Variants in CIT observed in about 807,000 individuals in gnomAD.
CIT encodes citron Rho-interacting kinase.
In CIT, 79 loss-of-function variants were observed where a neutral mutation model predicts 272.7. The ratio of observed to expected loss-of-function variants is 0.29; its 90% CI spans 0.24 to 0.35. The LOEUF (loss-of-function observed/expected upper bound fraction) is 0.35. CIT is among the 10% of genes least tolerant of loss of function. The probability of loss-of-function intolerance (pLI) is 1.00; values close to 1 mark genes in which losing one functional copy is unlikely to be tolerated. For missense variants in CIT, 1,909 were observed against 2,618.3 expected (o/e 0.73, Z 5.91); for synonymous variants, 948 against 995.6 (o/e 0.95, Z 0.90).
intron 40 of CIT, among the ~76,000 whole-genome samples, chr12:119,706,247 T>G (rs534213208): frequency 2.0e-5 from 3 of 152,276 alleles, no homozygotes; most frequent in African/African-American, 7.2e-5. Context: ...AAGTTATACA[T>G]GTACATGTAT....
intron 24 of CIT, among the ~76,000 whole-genome samples, chr12:119,739,055 G>A (rs968772439): frequency 4.6e-5 from 7 of 152,178 alleles, no homozygotes; most frequent in Non-Finnish European, 8.8e-5. Flanking sequence ...AAAGTCCAAT[G>A]GCATGTTAGG....
chr12:119,868,679 G>A (rs1950582483), intron 3 of CIT, among the ~76,000 whole-genome samples: 1 of 152,074 alleles, frequency 6.6e-6, no homozygotes, highest in Non-Finnish European at 1.5e-5. Context: ...CTGGGACCAC[G>A]GGTGCAAGCC....
Position 119,713,464 on chromosome 12 carries a change from G to T in CIT, c.4487+4C>A. On this transcript the variant is annotated splice_donor_region_variant and intron_variant, in intron 34 of 47. Coordinates refer to ENST00000392521, the MANE Select transcript of CIT (RefSeq NM_001206999.2). This position sits in a 1 kb window ranked among gnomAD's most constrained non-coding sequence, Gnocchi z 5.2. ...CTCCAGCCCAAGCCACCCTGACATG[G>T]TACCTGGGCACCTTCATCCACCCTT... is the stretch of plus-strand genomic sequence containing the variant. 1 of 1,613,762 alleles carries T rather than the reference G, an allele frequency of 6.2e-7. No individual in the cohort carries two copies. Among genetic ancestry groups the T allele is most frequent in the Non-Finnish European group, 8.5e-7 (1 of 1,179,808 alleles).
rs557053725 is a variant in CIT, at chr12:119,819,600, G to A, written c.1111+3220C>T. On this transcript the variant is annotated intron_variant, in intron 9 of 47. Coordinates refer to ENST00000392521, the MANE Select transcript of CIT (RefSeq NM_001206999.2). ...AAAAAGAAGAATTGGGGGTGAAACC[G>A]CACAAAGGCTAATGTTGCTTTTAAC... Among the ~76,000 whole-genome samples the A allele has an allele frequency of 6.0e-4, 92 of 152,286 alleles. 1 individual carries two copies. Among genetic ancestry groups the A allele is most frequent in the African/African-American group, 2.1e-3 (89 of 41,554 alleles).
intron 5 of CIT, among the ~76,000 whole-genome samples, chr12:119,837,292 T>C (rs1322915463): frequency 2.0e-5 from 3 of 152,208 alleles, no homozygotes; most frequent in Admixed American, 1.3e-4. Context: ...CTCATTCTAG[T>C]ATGAATGGAG....
At chr12:119,761,135 T>G in intron 19 of CIT, 80 bp from the exon 20 acceptor site, 1 of 1,088,558 alleles carries the variant, frequency 9.2e-7, no homozygotes, top group Non-Finnish European at 1.4e-6. Context: ...CTTGAGAAAA[T>G]CTAGGAAAGA....
intron 4 of CIT, among the ~76,000 whole-genome samples, chr12:119,854,035 T>C (rs561441372): frequency 6.6e-6 from 1 of 151,832 alleles, no homozygotes; most frequent in Non-Finnish European, 1.5e-5. Context: ...TAATTTATTT[T>C]TTTTTTTTGA....
At chr12:119,788,443 A>T (rs1401251684) in intron 10 of CIT, among the ~76,000 whole-genome samples, 6 of 152,150 alleles carry the variant, frequency 3.9e-5, no homozygotes, top group Non-Finnish European at 1.5e-5. Flanking sequence ...ACATGTCATG[A>T]AGTCACATGC....
chr12:119,744,414 A>G (rs557882602), intron 23 of CIT, among the ~76,000 whole-genome samples: 1 of 152,090 alleles, frequency 6.6e-6, no homozygotes, highest in East Asian at 1.9e-4. Flanking sequence ...AAAAAAAAAA[A>G]AAGTCTCCAT....
chr12:119,844,276 C>T (rs1399132971), intron 5 of CIT, among the ~76,000 whole-genome samples: 1 of 152,090 alleles, frequency 6.6e-6, no homozygotes, highest in Non-Finnish European at 1.5e-5. Flanking sequence ...CTCGCCTCGG[C>T]CTCCCAAAGT....
Position 119,712,973 on chromosome 12 carries a change from T to C in CIT, c.4579+230A>G. 1 of 590,224 alleles carries C rather than the reference T, an allele frequency of 1.7e-6. No individual in the cohort carries two copies. Among genetic ancestry groups the C allele is most frequent in the Non-Finnish European group, 3.0e-6 (1 of 332,646 alleles). The allele number at this position is 590,224 out of a possible 1,614,324, so 36.6% of individuals were successfully genotyped here. A position where few individuals can be genotyped will look rare whatever the true frequency, so the allele number is the denominator to read the frequency against. On this transcript the variant is annotated intron_variant, in intron 35 of 47. Coordinates refer to ENST00000392521, the MANE Select transcript of CIT (RefSeq NM_001206999.2). This position sits in a 1 kb window ranked among gnomAD's most constrained non-coding sequence, Gnocchi z 5.2. Reference sequence around the variant, plus strand: ...AGGCAGAAGTTCTCGGAAGGTGTATTAGCAGGTGGAATCTTCAGGGCAGCG... The same window carrying C: ...AGGCAGAAGTTCTCGGAAGGTGTATCAGCAGGTGGAATCTTCAGGGCAGCG...
chr12:119,750,667 G>A (rs1050534499), intron 23 of CIT, among the ~76,000 whole-genome samples: 1 of 151,874 alleles, frequency 6.6e-6, no homozygotes, highest in African/African-American at 2.4e-5. Context: ...CACATTCCCA[G>A]TTTGGTTCAG....
intron 22 of CIT, 111 bp downstream of exon 22, chr12:119,757,260 C>A: frequency 7.2e-7 from 1 of 1,382,156 alleles, no homozygotes. Flanking sequence ...GCCCCCTTAA[C>A]CACCAAGCAC....
chr12:119,834,198 G>A lies in CIT; in HGVS notation c.547C>T (p.Leu183=), dbSNP rs778242148. The A allele has an allele frequency of 2.1e-5, 34 of 1,612,950 alleles. No individual in the cohort carries two copies. Among genetic ancestry groups the A allele is most frequent in the South Asian group, 6.6e-5 (6 of 90,808 alleles). The change falls in exon 6 of 48, where the codon CTG becomes TTG. Residue 183 remains leucine (L), a synonymous_variant. Transcript: ENST00000392521. ...VMEYQPGGDL[L]SLLNRYEDQL... ...TCCTCATATCTATTCAAAAGTGACA[G>A]CAAGTCCCCTCCAGGCTGATATTCC...
intron 22 of CIT, among the ~76,000 whole-genome samples, chr12:119,752,486 A>G (rs1325666451): frequency 1.3e-5 from 2 of 152,226 alleles, no homozygotes; most frequent in Non-Finnish European, 2.9e-5. Context: ...CCTTACTTAC[A>G]TATATTCAAA....
rs758035110 is a variant in CIT at position 119,690,939 on chromosome 12, C to T, written c.5883-485G>A. The stretch of plus-strand genomic sequence containing the variant: ...CTGTAATCCCAGCACTTTGGGAGGC[C>T]GAGGCAGGTAGATCACGAGGTCAGG... On this transcript the variant is annotated intron_variant, in intron 46 of 47. Coordinates refer to ENST00000392521, the MANE Select transcript of CIT (RefSeq NM_001206999.2). This position sits in a 1 kb window ranked among gnomAD's most constrained non-coding sequence, Gnocchi z 6.0. 1.3e-5 allele frequency among the ~76,000 whole-genome samples: 2 copies of T among 152,058 alleles called. No homozygotes were observed. The highest frequency in any genetic ancestry group is 2.9e-5 in the Non-Finnish European group (2 of 68,008).
At position 119,728,450 on chromosome 12, in the gene CIT, T is replaced by C; in HGVS notation, c.3591+52A>G. The C allele has an allele frequency of 8.1e-7, 1 of 1,238,050 alleles. No individual in the cohort carries two copies. The highest frequency in any genetic ancestry group is 1.2e-6 in the Non-Finnish European group (1 of 864,928). 76.7% of individuals were successfully genotyped at this position (1,238,050 alleles called of 1,614,324 possible). On this transcript the variant is annotated intron_variant, in intron 28 of 47. Transcript: ENST00000392521. The surrounding 1 kb of genome is among the most constrained non-coding windows in gnomAD (Gnocchi z 4.3). ...GCTGCTCCAAAAAAAAGAAGCCTAT[T>C]AAAAGAAAAAAAAAATCCACTTGGC...
intron 46 of CIT, among the ~76,000 whole-genome samples, chr12:119,696,626 A>G (rs530659165): frequency 1.3e-5 from 2 of 152,284 alleles, no homozygotes; most frequent in South Asian, 4.2e-4. Flanking sequence ...CAAGGGCTCA[A>G]GCAGTCCCCG....
rs1410662216 is a variant in CIT, at chr12:119,704,407, TGAC to T, written c.5257_5259del (p.Val1753del). 6.2e-7 allele frequency: 1 copy of T among 1,613,866 alleles called. No individual in the cohort carries two copies. The highest frequency in any genetic ancestry group is 1.3e-5 in the African/African-American group (1 of 74,908). ...CTGAGGTTTTCGTTGTAGCGGAGAA[TGAC>T]GACTTTGCTGGGCATGGCTGCACAG... is the stretch of plus-strand genomic sequence containing the variant. On this transcript the variant is annotated inframe_deletion, in exon 41 of 48. Transcript: ENST00000392521.
Sources: allele counts gnomAD v4.1 joint callset (sites outside exome capture counted in the v4.1 genomes callset), GRCh38; gene constraint gnomAD v4.1.1; non-coding constraint Gnocchi (gnomAD v3.1); transcripts MANE v1.5; gene names NCBI Gene and HGNC (gene_info 2026-07-23, HGNC 2026-07-21).